HPSE2: variants seen among roughly 807,000 people sequenced by gnomAD.
HPSE2 encodes the protein inactive heparanase-2.
A neutral mutation model predicts 60.5 loss-of-function variants in HPSE2; 38 were observed. The observed-to-expected ratio is 0.63, with a 90% CI of 0.48 to 0.82. The LOEUF (loss-of-function observed/expected upper bound fraction) is 0.82. HPSE2 is among the 40% of genes least tolerant of loss of function. HPSE2 has a pLI of 0.00. For synonymous variants in HPSE2, 295 were observed against 293.2 expected (o/e 1.01, Z -0.06); for missense variants, 713 against 740.4 (o/e 0.96, Z 0.43).
rs557384220 is a variant in HPSE2, at chr10:98,939,624, A to T, written c.611-195568T>A. On this transcript the variant is annotated intron_variant, in intron 3 of 11. Coordinates refer to ENST00000370552, the MANE Select transcript of HPSE2 (RefSeq NM_021828.5). ...ACAAAGAGACTTAGACACCCACACA[A>T]TAATAATGGGAGATTTTAACACCCC... is the stretch of plus-strand genomic sequence containing the variant. 1.0e-4 allele frequency among the ~76,000 whole-genome samples: 15 copies of T among 143,412 alleles called. No individual in the cohort carries two copies. The South Asian group carries it at 3.2e-3, about 30-fold the overall frequency. The allele number at this position is 143,412 out of a possible 152,430, so 94.1% of individuals were successfully genotyped here.
intron 3 of HPSE2, among the ~76,000 whole-genome samples, chr10:99,105,206 A>G (rs1246269817): frequency 6.6e-6 from 1 of 152,092 alleles, no homozygotes; most frequent in African/African-American, 2.4e-5. Flanking sequence ...TTTCCCTGGT[A>G]GTAACTGTAA....
At chr10:98,570,925 G>A (rs914164807) in intron 9 of HPSE2, among the ~76,000 whole-genome samples, 13 of 152,302 alleles carry the variant, frequency 8.5e-5, no homozygotes, top group African/African-American at 2.9e-4. Flanking sequence ...AGTTCGTAGT[G>A]CTGCACAGTG....
At chr10:98,751,759 T>TC (rs1949763373) in intron 3 of HPSE2, among the ~76,000 whole-genome samples, 2 of 152,054 alleles carry the variant, frequency 1.3e-5, no homozygotes, top group African/African-American at 4.8e-5. Context: ...TCCCCATAGT[T>TC]CCCCAAGGGG....
At chr10:98,982,657 C>G (rs1460156615) in intron 3 of HPSE2, among the ~76,000 whole-genome samples, 2 of 151,970 alleles carry the variant, frequency 1.3e-5, no homozygotes, top group Admixed American at 1.3e-4. Flanking sequence ...AGAACATTCA[C>G]TATGCATTCT....
At chr10:99,284,959 C>T in the HPSE2 span, among the ~76,000 whole-genome samples, 1 of 152,080 alleles carries the variant, frequency 6.6e-6, no homozygotes, top group African/African-American at 2.4e-5. Context: ...TATCTGCAAA[C>T]CACTTAAGTA....
chr10:99,094,548 T>A (rs1277246666), intron 3 of HPSE2, among the ~76,000 whole-genome samples: 260 of 27,162 alleles, frequency 9.6e-3, no homozygotes, highest in East Asian at 0.039. Context: ...ATATTTTTTT[T>A]TTTTTTTTTT....
At chr10:98,950,750 A>G (rs2135192325) in intron 3 of HPSE2, among the ~76,000 whole-genome samples, 1 of 152,330 alleles carries the variant, frequency 6.6e-6, no homozygotes, top group Admixed American at 6.5e-5. Context: ...ACAAATCAGC[A>G]TTCCCATCTC....
At chr10:98,512,431 A>C (rs919036207) in intron 9 of HPSE2, among the ~76,000 whole-genome samples, 107 of 151,926 alleles carry the variant, frequency 7.0e-4, no homozygotes, top group African/African-American at 2.5e-3. Flanking sequence ...AACACACACA[A>C]AAAATTAGCC....
At chr10:99,176,729 A>G (rs1366609405) in intron 2 of HPSE2, among the ~76,000 whole-genome samples, 1 of 152,188 alleles carries the variant, frequency 6.6e-6, no homozygotes, top group Non-Finnish European at 1.5e-5. Context: ...TCCTCAACCT[A>G]GCAAGACAGG....
Position 98,578,351 on chromosome 10 carries a change from C to T in HPSE2, c.1320+36553G>A, listed in dbSNP as rs1589446526. On this transcript the variant is annotated intron_variant, in intron 9 of 11. Coordinates refer to ENST00000370552, the MANE Select transcript of HPSE2 (RefSeq NM_021828.5). ...GGGACCCAAGTCATGAGGTGCACAG[C>T]GACACTTTCAACCAACTATTTCCAC... Among the ~76,000 whole-genome samples, 7 of 151,536 alleles carry T rather than the reference C, an allele frequency of 4.6e-5. No homozygotes were observed. The South Asian group carries it at 1.3e-3, about 27-fold the overall frequency.
chr10:99,244,871 C>T, the HPSE2 span, among the ~76,000 whole-genome samples: 1 of 151,868 alleles, frequency 6.6e-6, no homozygotes, highest in Admixed American at 6.6e-5. Context: ...CTTGAATTAA[C>T]ATCTAGACCC....
chr10:99,094,063 C>G (rs542335074), intron 3 of HPSE2, among the ~76,000 whole-genome samples: 1 of 152,204 alleles, frequency 6.6e-6, no homozygotes, highest in African/African-American at 2.4e-5. Flanking sequence ...ACTGTTTTAG[C>G]TCTATTTCAC....
chr10:99,116,789 G>C (rs1014639420), intron 3 of HPSE2, among the ~76,000 whole-genome samples: 2 of 152,152 alleles, frequency 1.3e-5, no homozygotes, highest in African/African-American at 4.8e-5. Flanking sequence ...GATGGGAAGT[G>C]GCAGGGAGAA....
chr10:99,035,138 G>A (rs1051968194), intron 3 of HPSE2, among the ~76,000 whole-genome samples: 5 of 152,188 alleles, frequency 3.3e-5, no homozygotes, highest in East Asian at 1.9e-4. Context: ...TTTCTTTAAC[G>A]TTTTTACTTT....
At chr10:98,678,969 C>T (rs1028387157) in intron 6 of HPSE2, among the ~76,000 whole-genome samples, 5 of 151,966 alleles carry the variant, frequency 3.3e-5, no homozygotes, top group African/African-American at 7.2e-5. Flanking sequence ...GGCATTAGCT[C>T]ACAAGGTCTA....
intron 1 of HPSE2, among the ~76,000 whole-genome samples, chr10:99,234,622 C>T (rs1389998460): frequency 6.6e-6 from 1 of 152,168 alleles, no homozygotes; most frequent in African/African-American, 2.4e-5. Context: ...ACTGCAACAA[C>T]CCGGGAAGAG....
intron 9 of HPSE2, among the ~76,000 whole-genome samples, chr10:98,541,976 C>T (rs1286087967): frequency 3.4e-5 from 5 of 146,982 alleles, no homozygotes; most frequent in Admixed American, 6.9e-5. Flanking sequence ...GTGGTTCTCC[C>T]AGCACGCAGC....
intron 3 of HPSE2, among the ~76,000 whole-genome samples, chr10:98,802,793 G>A (rs1379569980): frequency 1.4e-5 from 2 of 140,540 alleles, no homozygotes; most frequent in African/African-American, 5.5e-5. Flanking sequence ...GTGTGCATGT[G>A]TCTTTATAGC....
At chr10:98,866,262 A>G (rs916082179) in intron 3 of HPSE2, among the ~76,000 whole-genome samples, 4 of 152,128 alleles carry the variant, frequency 2.6e-5, no homozygotes, top group Non-Finnish European at 4.4e-5. Flanking sequence ...AGATTAGACA[A>G]TGCAAGAGAA....
Sources: gnomAD v4.1 joint callset for allele counts (sites outside exome capture counted in the v4.1 genomes callset) on GRCh38, gnomAD v4.1.1 for gene constraint, MANE v1.5 for transcripts, NCBI Gene and HGNC (gene_info 2026-07-23, HGNC 2026-07-21) for gene names.